The following KHDC1 variants were observed in gnomAD, a reference collection of about 807,000 sequenced individuals.
The protein encoded by KHDC1 is KH homology domain-containing protein 1.
KHDC1 carries 21 observed loss-of-function variants against 24.7 expected under a neutral mutation model. The observed-to-expected ratio is 0.85, with a 90% CI of 0.60 to 1.23. KHDC1 has a LOEUF of 1.23. Among genes scored for constraint, KHDC1 ranks in the 50% most tolerant of loss-of-function variants. KHDC1 has a pLI of 0.00. For missense variants in KHDC1, 274 were observed against 298.5 expected (o/e 0.92, Z 0.61); for synonymous variants, 98 against 111.7 (o/e 0.88, Z 0.77).
At chr6:73,258,519 A>G (rs1419998292) in intron 2 of KHDC1, among the ~76,000 whole-genome samples, 1 of 152,164 alleles carries the variant, frequency 6.6e-6, no homozygotes, top group Non-Finnish European at 1.5e-5. Context: ...CTTGACCTAC[A>G]AGAAAGAGTC....
intron 2 of KHDC1, among the ~76,000 whole-genome samples, chr6:73,257,679 GAGCC>G (rs1766905969): frequency 6.6e-6 from 1 of 151,994 alleles, no homozygotes; most frequent in African/African-American, 2.4e-5. Flanking sequence ...TTACAGGCGT[GAGCC>G]ACCATGCCTG....
At chr6:73,256,810 G>A (rs1425585271) in intron 2 of KHDC1, among the ~76,000 whole-genome samples, 1 of 152,232 alleles carries the variant, frequency 6.6e-6, no homozygotes, top group East Asian at 1.9e-4. Flanking sequence ...AGTAAATGGA[G>A]TTTGAACTGG....
intron 2 of KHDC1, among the ~76,000 whole-genome samples, chr6:73,272,186 C>T (rs998349495): frequency 5.3e-5 from 8 of 151,448 alleles, no homozygotes; most frequent in African/African-American, 1.5e-4. Flanking sequence ...GTTTTTGAGA[C>T]GGAGTCTTGC....
chr6:73,264,355 G>C (rs1471637017), intron 2 of KHDC1, among the ~76,000 whole-genome samples: 3 of 152,178 alleles, frequency 2.0e-5, no homozygotes, highest in Non-Finnish European at 2.9e-5. Context: ...TTCTAACTTT[G>C]AGGACTCCTC....
intron 2 of KHDC1, among the ~76,000 whole-genome samples, chr6:73,266,711 A>T (rs1270353983): frequency 6.6e-6 from 1 of 152,246 alleles, no homozygotes; most frequent in Non-Finnish European, 1.5e-5. Context: ...ATGATTTCTC[A>T]GATATGACTC....
chr6:73,251,509 T>TAAA (rs1338504943), intron 2 of KHDC1, among the ~76,000 whole-genome samples: 2 of 152,206 alleles, frequency 1.3e-5, no homozygotes, highest in Non-Finnish European at 2.9e-5. Context: ...CCCTCTAACC[T>TAAA]AAACATGTAC....
At position 73,254,181 on chromosome 6, in the gene KHDC1, T is replaced by C. The variant is rs147356333; in HGVS notation, c.207-11651A>G. Reference sequence around the variant, plus strand: ...ATAATAAATATAAAAAGATTCAAGCTGGGCACAGTGGCTCATGCCTGTAAT... The same window carrying C: ...ATAATAAATATAAAAAGATTCAAGCCGGGCACAGTGGCTCATGCCTGTAAT... On this transcript the variant is annotated intron_variant, in intron 2 of 4. Coordinates refer to ENST00000370384, the Ensembl canonical transcript of KHDC1. Among the ~76,000 whole-genome samples the C allele has an allele frequency of 2.6e-3, 394 of 152,072 alleles. 3 individuals are homozygous for C. The highest frequency in any genetic ancestry group is 8.7e-3 in the African/African-American group (361 of 41,496).
In KHDC1 at chr6:73,290,499, C is replaced by T. The variant is rs979945571; in HGVS notation, c.206+1499G>A. 9 of 373,166 alleles carry T rather than the reference C, an allele frequency of 2.4e-5. No individual in the cohort carries two copies. In the Admixed American group the frequency reaches 2.6e-4, roughly 11 times the overall value. The allele number at this position is 373,166 out of a possible 1,614,324, so 23.1% of individuals were successfully genotyped here. Reference sequence around the variant, plus strand: ...GTACATCTAAAAATGAAGGTGATGGCATCTATATCATAATCTTTTTTTTTT... The same window carrying T: ...GTACATCTAAAAATGAAGGTGATGGTATCTATATCATAATCTTTTTTTTTT... On this transcript the variant is annotated intron_variant, in intron 2 of 4. Coordinates refer to ENST00000370384, the Ensembl canonical transcript of KHDC1.
At chr6:73,284,492 GC>G (rs764018299) in intron 2 of KHDC1, among the ~76,000 whole-genome samples, 17 of 152,052 alleles carry the variant, frequency 1.1e-4, no homozygotes, top group Non-Finnish European at 1.8e-4. Context: ...CTAGCCCCCT[GC>G]CCACCAAATT....
At chr6:73,280,057 T>TA (rs1767375714) in intron 2 of KHDC1, among the ~76,000 whole-genome samples, 1 of 152,220 alleles carries the variant, frequency 6.6e-6, no homozygotes, top group African/African-American at 2.4e-5. Flanking sequence ...CTTTTATAGT[T>TA]AGAGAAATGT....
At chr6:73,304,140 C>T (rs1287040725) in intron 1 of KHDC1, among the ~76,000 whole-genome samples, 1 of 151,778 alleles carries the variant, frequency 6.6e-6, no homozygotes, top group African/African-American at 2.4e-5. Flanking sequence ...GATCATGCCA[C>T]TGCACACCAG....
At chr6:73,296,224 G>A (rs1767756760) in intron 1 of KHDC1, among the ~76,000 whole-genome samples, 1 of 152,054 alleles carries the variant, frequency 6.6e-6, no homozygotes, top group African/African-American at 2.4e-5. Context: ...GGAGGCCGAG[G>A]TGGGCAAATC....
rs140195434 is a variant in KHDC1 at position 73,276,916 on chromosome 6, G to A, written c.206+15082C>T. ...CCTAGCAATTGGTATCGATTGACAAGAAAGCTTTCTTTGCTTGTTCCCACA... is the reference window on the plus strand; with the variant it reads ...CCTAGCAATTGGTATCGATTGACAAAAAAGCTTTCTTTGCTTGTTCCCACA... On this transcript the variant is annotated intron_variant, in intron 2 of 4. Transcript: ENST00000370384. 2.8e-3 allele frequency among the ~76,000 whole-genome samples: 431 copies of A among 152,264 alleles called. 2 individuals are homozygous for A. The highest frequency in any genetic ancestry group is 0.01 in the African/African-American group (419 of 41,554).
chr6:73,261,830 T>C (rs1448826076), intron 2 of KHDC1, among the ~76,000 whole-genome samples: 1 of 150,894 alleles, frequency 6.6e-6, no homozygotes, highest in Non-Finnish European at 1.5e-5. Context: ...GAGAATCACT[T>C]GAACCCGGGA....
intron 2 of KHDC1, among the ~76,000 whole-genome samples, chr6:73,265,284 A>T (rs1279534286): frequency 1.3e-5 from 2 of 152,182 alleles, no homozygotes; most frequent in Non-Finnish European, 2.9e-5. Flanking sequence ...TGAAGAAGGA[A>T]TTCGGTGTAC....
intron 1 of KHDC1, among the ~76,000 whole-genome samples, chr6:73,297,621 C>T (rs36044937): frequency 0.066 from 10,088 of 152,172 alleles, 356 homozygotes; most frequent in East Asian, 0.13. Context: ...TATATACTCA[C>T]TAGCCTTGTT....
chr6:73,242,009 A>C, intron 4 of KHDC1, 46 bp downstream of exon 3: 1 of 1,564,800 alleles, frequency 6.4e-7, no homozygotes, highest in African/African-American at 1.4e-5. Context: ...CTTAGCCAGA[A>C]CTCCACCACC....
At chr6:73,292,881 G>C in intron 1 of KHDC1, 1 of 750,586 alleles carries the variant, frequency 1.3e-6, no homozygotes, top group Non-Finnish European at 2.4e-6. Context: ...AAAAAGCTGA[G>C]AGAATGTGAA....
chr6:73,268,241 GGTGA>G (rs1467252370), intron 2 of KHDC1: 3 of 152,372 alleles, frequency 2.0e-5, no homozygotes, highest in African/African-American at 7.2e-5. Context: ...AGACCTTCAC[GGTGA>G]GTGTGTTACA....
Sources: allele counts gnomAD v4.1 joint callset (sites outside exome capture counted in the v4.1 genomes callset), GRCh38; gene constraint gnomAD v4.1.1; transcripts MANE v1.5; gene names NCBI Gene and HGNC (gene_info 2026-07-23, HGNC 2026-07-21).